Variants in UNC13C observed in about 807,000 individuals in gnomAD.
The protein encoded by UNC13C is unc-13 homolog C.
A neutral mutation model predicts 245.4 loss-of-function variants in UNC13C; 174 were observed. The observed-to-expected ratio is 0.71, with a 90% confidence interval of 0.63 to 0.80. The LOEUF (loss-of-function observed/expected upper bound fraction) is 0.80. Among genes scored for constraint, UNC13C ranks in the 30% least tolerant of loss-of-function variants. The pLI is 0.00. For missense variants in UNC13C, 2,829 were observed against 2,602.9 expected (o/e 1.09, Z -1.89); for synonymous variants, 992 against 895.1 (o/e 1.11, Z -1.93).
At chr15:53,926,860 G>A in the UNC13C span, among the ~76,000 whole-genome samples, 1 of 152,180 alleles carries the variant, frequency 6.6e-6, no homozygotes, top group Non-Finnish European at 1.5e-5. Flanking sequence ...TCAGGGATCT[G>A]CCAATAGTTT....
intron 17 of UNC13C, among the ~76,000 whole-genome samples, chr15:54,391,324 A>G (rs2039952241): frequency 6.6e-6 from 1 of 152,160 alleles, no homozygotes; most frequent in Admixed American, 6.5e-5. Flanking sequence ...TCACCAGGTT[A>G]TCTGGATTTC....
the UNC13C span, among the ~76,000 whole-genome samples, chr15:53,871,476 A>C: frequency 2.1e-4 from 32 of 152,258 alleles, no homozygotes; most frequent in African/African-American, 7.7e-4. Flanking sequence ...TTTATATCAG[A>C]TATCACCTTC....
intron 26 of UNC13C, among the ~76,000 whole-genome samples, chr15:54,546,517 C>T (rs765998219): frequency 9.2e-5 from 14 of 151,820 alleles, no homozygotes; most frequent in East Asian, 1.9e-4. Context: ...TAGAAAACAA[C>T]GTAAGAAAAG....
intron 2 of UNC13C, among the ~76,000 whole-genome samples, chr15:54,019,426 A>G (rs1895799391): frequency 1.3e-5 from 2 of 152,212 alleles, no homozygotes; most frequent in South Asian, 4.1e-4. Flanking sequence ...TTGATGTGAA[A>G]TAGTTCATTC....
intron 2 of UNC13C, among the ~76,000 whole-genome samples, chr15:54,053,974 A>ATTCT (rs1369666288): frequency 2.6e-5 from 4 of 152,192 alleles, no homozygotes; most frequent in Non-Finnish European, 5.9e-5. Flanking sequence ...ACAGGATCTC[A>ATTCT]TTCTTTTTTA....
intron 10 of UNC13C, among the ~76,000 whole-genome samples, chr15:54,279,225 G>A (rs1017659387): frequency 6.6e-6 from 1 of 152,142 alleles, no homozygotes; most frequent in Admixed American, 6.6e-5. Context: ...TAGCAAAAGA[G>A]CCCAGAGAGG....
intron 30 of UNC13C, among the ~76,000 whole-genome samples, chr15:54,571,430 T>A (rs1897751750): frequency 6.6e-6 from 1 of 152,194 alleles, no homozygotes; most frequent in Non-Finnish European, 1.5e-5. Context: ...ACCAGGTCCA[T>A]CCCATGACGT....
At position 54,183,318 on chromosome 15, in the gene UNC13C, G is replaced by T. The variant is rs8035225; in HGVS notation, c.3071+39634G>T. Reference sequence around the variant, plus strand: ...GGTGACAGAAATTTGGAAAATGCTGGCACAATAACTACTACAGGGAAGCAG... The same window carrying T: ...GGTGACAGAAATTTGGAAAATGCTGTCACAATAACTACTACAGGGAAGCAG... On this transcript the variant is annotated intron_variant, in intron 4 of 32. Transcript: ENST00000260323. 2.7e-5 allele frequency among the ~76,000 whole-genome samples: 4 copies of T among 150,636 alleles called. No homozygotes were observed. In the South Asian group the frequency reaches 8.4e-4, roughly 32 times the overall value.
At chr15:54,380,268 C>T (rs746290303) in intron 17 of UNC13C, among the ~76,000 whole-genome samples, 5 of 152,002 alleles carry the variant, frequency 3.3e-5, no homozygotes, top group African/African-American at 1.2e-4. Context: ...ATCCCCTTAA[C>T]ATAATGTTCT....
chr15:54,572,335 G>A (rs1897791422), intron 30 of UNC13C, among the ~76,000 whole-genome samples: 1 of 151,400 alleles, frequency 6.6e-6, no homozygotes, highest in Non-Finnish European at 1.5e-5. Flanking sequence ...AGTATTATCT[G>A]GGAAAAAAAT....
At chr15:54,183,662 A>C (rs1290911799) in intron 4 of UNC13C, among the ~76,000 whole-genome samples, 2 of 151,924 alleles carry the variant, frequency 1.3e-5, no homozygotes, top group African/African-American at 4.8e-5. Context: ...ATTTTGGAGA[A>C]TATGAGTGAT....
At chr15:54,426,005 C>A (rs2040751458) in intron 19 of UNC13C, among the ~76,000 whole-genome samples, 1 of 151,568 alleles carries the variant, frequency 6.6e-6, no homozygotes, top group African/African-American at 2.4e-5. Flanking sequence ...CAGCAATATC[C>A]AGGTATTTTT....
chr15:54,442,566 G>A (rs1182616932), intron 19 of UNC13C, among the ~76,000 whole-genome samples: 1 of 152,012 alleles, frequency 6.6e-6, no homozygotes, highest in Admixed American at 6.6e-5. Flanking sequence ...CACCCAGTAT[G>A]ATGTTAGCTG....
At chr15:54,479,891 G>C (rs1314658082) in intron 19 of UNC13C, among the ~76,000 whole-genome samples, 1 of 152,000 alleles carries the variant, frequency 6.6e-6, no homozygotes. Flanking sequence ...GAATTTACTT[G>C]CCTTTCAGAT....
At chr15:54,091,480 A>G (rs1359100481) in intron 2 of UNC13C, among the ~76,000 whole-genome samples, 1 of 152,190 alleles carries the variant, frequency 6.6e-6, no homozygotes, top group African/African-American at 2.4e-5. Flanking sequence ...TTTGTTTATA[A>G]TGATAAGTCC....
intron 19 of UNC13C, among the ~76,000 whole-genome samples, chr15:54,449,262 C>T (rs1455970061): frequency 6.6e-6 from 1 of 152,204 alleles, no homozygotes. Context: ...CTTGGAGTTG[C>T]TCTTCTCAAG....
intron 2 of UNC13C, among the ~76,000 whole-genome samples, chr15:54,084,996 G>A (rs776549096): frequency 6.6e-6 from 1 of 152,082 alleles, no homozygotes; most frequent in South Asian, 2.1e-4. Context: ...TTTAGATAAT[G>A]TATAAAAATT....
intron 2 of UNC13C, chr15:54,048,593 A>C (rs1306476970): frequency 1.1e-5 from 4 of 380,430 alleles, no homozygotes. Flanking sequence ...CAATTTCGCC[A>C]ATTGCTGCAT....
At chr15:54,246,291 C>T (rs990605754) in intron 7 of UNC13C, among the ~76,000 whole-genome samples, 3 of 152,084 alleles carry the variant, frequency 2.0e-5, no homozygotes, top group African/African-American at 7.2e-5. Context: ...TTGTGCTTGC[C>T]TACAAAGGCT....
Sources: gnomAD v4.1 joint callset for allele counts (sites outside exome capture counted in the v4.1 genomes callset) on GRCh38, gnomAD v4.1.1 for gene constraint, MANE v1.5 for transcripts, NCBI Gene and HGNC (gene_info 2026-07-23, HGNC 2026-07-21) for gene names.